CCDC91: variants seen among roughly 807,000 people sequenced by gnomAD.
CCDC91 encodes the protein coiled-coil domain-containing protein 91.
A neutral mutation model predicts 63.2 loss-of-function variants in CCDC91; 48 were observed. That is an observed-to-expected ratio of 0.76 (90% CI 0.60 to 0.97). The LOEUF is 0.97. Among genes scored for constraint, CCDC91 ranks in the 50% least tolerant of loss-of-function variants. The probability of loss-of-function intolerance (pLI) is 0.00; values close to 1 mark genes in which losing one functional copy is unlikely to be tolerated. For missense variants in CCDC91, 500 were observed against 494.6 expected (o/e 1.01, Z -0.10); for synonymous variants, 167 against 165.8 (o/e 1.01, Z -0.06).
At chr12:28,289,640 A>G (rs1243614101) in intron 3 of CCDC91, among the ~76,000 whole-genome samples, 2 of 151,414 alleles carry the variant, frequency 1.3e-5, no homozygotes, top group African/African-American at 4.9e-5. Flanking sequence ...AGCGATGAGA[A>G]GAATGTGTAT....
At chr12:28,351,221 G>T (rs1943160160) in intron 6 of CCDC91, among the ~76,000 whole-genome samples, 2 of 152,148 alleles carry the variant, frequency 1.3e-5, no homozygotes, top group African/African-American at 4.8e-5. Context: ...TGTGATCAAA[G>T]TTCTTTTATT....
In CCDC91 at chr12:28,536,582, G is replaced by A. The variant is rs181336916; in HGVS notation, c.1216-12481G>A. On this transcript the variant is annotated intron_variant, in intron 12 of 12. Transcript: ENST00000536442. ...TTTAGACAAGTACTTTAACCTTTCT[G>A]GGCCAGTTTGTTCTTCTGTACAATG... Among the ~76,000 whole-genome samples, 41 of 152,144 alleles carry A rather than the reference G, an allele frequency of 2.7e-4. 1 individual carries two copies. The East Asian group carries it at 6.8e-3, about 25-fold the overall frequency.
At chr12:28,395,052 G>T (rs954944490) in intron 8 of CCDC91, among the ~76,000 whole-genome samples, 1 of 152,132 alleles carries the variant, frequency 6.6e-6, no homozygotes, top group Admixed American at 6.5e-5. Flanking sequence ...CAGAACCAGG[G>T]CTGGGATTCA....
intron 1 of CCDC91, among the ~76,000 whole-genome samples, chr12:28,249,551 T>A (rs1364620402): frequency 6.6e-6 from 1 of 152,164 alleles, no homozygotes; most frequent in African/African-American, 2.4e-5. Flanking sequence ...AGTTTTTCCC[T>A]GATGAGCTTC....
chr12:28,514,953 C>A (rs556456494), intron 12 of CCDC91, among the ~76,000 whole-genome samples: 72 of 151,696 alleles, frequency 4.7e-4, no homozygotes, highest in Non-Finnish European at 8.5e-4. Flanking sequence ...ATACTCTGTA[C>A]AACAAACCCC....
chr12:28,214,151 G>A (rs1439886750), intron 1 of CCDC91, among the ~76,000 whole-genome samples: 1 of 152,070 alleles, frequency 6.6e-6, no homozygotes, highest in Non-Finnish European at 1.5e-5. Context: ...AAATAAAACA[G>A]TGATTCAGTT....
intron 12 of CCDC91, among the ~76,000 whole-genome samples, chr12:28,490,371 G>A (rs183053376): frequency 1.3e-5 from 2 of 151,720 alleles, no homozygotes; most frequent in African/African-American, 4.8e-5. Context: ...GCCTGTTTTC[G>A]GTTGTACCTC....
intron 8 of CCDC91, among the ~76,000 whole-genome samples, chr12:28,430,615 C>T (rs1317320926): frequency 6.6e-6 from 1 of 152,056 alleles, no homozygotes; most frequent in African/African-American, 2.4e-5. Flanking sequence ...AGGATAGTGA[C>T]CTTCATTACA....
chr12:28,545,963 A>G (rs1394492931), intron 12 of CCDC91, among the ~76,000 whole-genome samples: 1 of 152,048 alleles, frequency 6.6e-6, no homozygotes, highest in Non-Finnish European at 1.5e-5. Flanking sequence ...ATATTAAGTC[A>G]TATTTGTTTT....
chr12:28,234,456 G>A (rs1241713341), intron 1 of CCDC91, among the ~76,000 whole-genome samples: 1 of 151,874 alleles, frequency 6.6e-6, no homozygotes, highest in East Asian at 1.9e-4. Context: ...ACTTTTTCAT[G>A]GAAACAACTA....
chr12:28,362,825 C>T (rs1565859373), intron 7 of CCDC91, among the ~76,000 whole-genome samples: 2 of 151,902 alleles, frequency 1.3e-5, no homozygotes, highest in South Asian at 4.2e-4. Context: ...TGCTGTGGTT[C>T]CTCTGACAGG....
chr12:28,375,539 G>A (rs1186624627), intron 7 of CCDC91, among the ~76,000 whole-genome samples: 4 of 151,864 alleles, frequency 2.6e-5, no homozygotes. Flanking sequence ...AAATTTTGTT[G>A]AAGTACAAAA....
intron 8 of CCDC91, among the ~76,000 whole-genome samples, chr12:28,440,144 G>C (rs1949109541): frequency 6.6e-6 from 1 of 152,114 alleles, no homozygotes; most frequent in South Asian, 2.1e-4. Context: ...TTGTTAACCA[G>C]AGCAATCAGG....
At chr12:28,347,196 C>G (rs1232665972) in intron 6 of CCDC91, among the ~76,000 whole-genome samples, 1 of 152,222 alleles carries the variant, frequency 6.6e-6, no homozygotes, top group Non-Finnish European at 1.5e-5. Context: ...TCAATCTTCT[C>G]AGATTCCAGA....
chr12:28,302,700 T>A (rs972126498), intron 3 of CCDC91: 2 of 928,808 alleles, frequency 2.2e-6, no homozygotes, highest in East Asian at 1.2e-4. Flanking sequence ...AAATGGTTTT[T>A]TGATGTATTA....
chr12:28,485,514 T>C (rs1425156602), intron 12 of CCDC91, among the ~76,000 whole-genome samples: 1 of 151,900 alleles, frequency 6.6e-6, no homozygotes, highest in Middle Eastern at 3.2e-3. Flanking sequence ...ACAAAGAAAA[T>C]CCCCATCTCT....
chr12:28,229,920 A>T (rs997298142), intron 1 of CCDC91, among the ~76,000 whole-genome samples: 1 of 152,204 alleles, frequency 6.6e-6, no homozygotes, highest in Non-Finnish European at 1.5e-5. Flanking sequence ...GCTTTTCATT[A>T]TATCAGCTAA....
chr12:28,276,239 T>C (rs1356779084), intron 3 of CCDC91, among the ~76,000 whole-genome samples: 1 of 152,056 alleles, frequency 6.6e-6, no homozygotes, highest in African/African-American at 2.4e-5. Flanking sequence ...TCATGTAATA[T>C]ATATGATTTT....
intron 6 of CCDC91, among the ~76,000 whole-genome samples, chr12:28,317,492 A>T (rs980665988): frequency 1.3e-5 from 2 of 151,946 alleles, no homozygotes; most frequent in African/African-American, 2.4e-5. Flanking sequence ...TTATTTTTGT[A>T]TACTGTTATT....
Sources: allele counts gnomAD v4.1 joint callset (sites outside exome capture counted in the v4.1 genomes callset), GRCh38; gene constraint gnomAD v4.1.1; transcripts MANE v1.5; gene names NCBI Gene and HGNC (gene_info 2026-07-23, HGNC 2026-07-21).